Variants in WDR11 observed in about 807,000 individuals in gnomAD.
The protein encoded by WDR11 is WD repeat domain 11.
WDR11 carries 83 observed loss-of-function variants against 151.2 expected under a neutral mutation model. The ratio of observed to expected loss-of-function variants is 0.55; its 90% CI spans 0.46 to 0.66. WDR11 has a LOEUF of 0.66. Ranked by LOEUF, WDR11 falls within the 30% of genes least tolerant of loss-of-function variation. The pLI is 0.00. For synonymous variants in WDR11, 484 were observed against 533.1 expected (o/e 0.91, Z 1.27); for missense variants, 1,301 against 1,480.9 (o/e 0.88, Z 1.99).
In WDR11 at chr10:120,866,604, C is replaced by T. The variant is rs1259466284; in HGVS notation, c.1030C>T (p.Arg344Ter). 10 of 1,613,984 alleles carry T rather than the reference C, an allele frequency of 6.2e-6. No homozygotes were observed. The highest frequency in any genetic ancestry group is 8.5e-6 in the Non-Finnish European group (10 of 1,180,028). The change falls in exon 8 of 29, where the codon CGA becomes TGA. Residue 344 changes from arginine (R) to a stop codon, truncating the protein, a stop_gained. Coordinates refer to ENST00000263461, the MANE Select transcript of WDR11 (RefSeq NM_018117.12). LOFTEE classifies it high-confidence loss of function. ...DPVQELTYDL[R>*]SQCDAIRVTK... ...AGTTCAGGAGCTTACCTATGATTTA[C>T]GAAGCCAGTGTGATGCAATCAGGGT...
chr10:120,860,131 A>G lies in WDR11; in HGVS notation c.375A>G (p.Gln125=). ...PIQDVQWLWN[Q]DASRDLLLAI... is the part of the protein sequence containing the mutation. ...CAGATGTTCAGTGGTTGTGGAATCA[A>G]GATGCTTCCCGCGATTTACTGCTTG... The change falls in exon 4 of 29, where the codon CAA becomes CAG. Residue 125 remains glutamine, a synonymous_variant. Coordinates refer to ENST00000263461, the MANE Select transcript of WDR11 (RefSeq NM_018117.12). 6.2e-7 allele frequency: 1 copy of G among 1,614,188 alleles called. No individual in the cohort carries two copies. The highest frequency in any genetic ancestry group is 8.5e-7 in the Non-Finnish European group (1 of 1,180,028).
chr10:120,906,457 G>T, intron 27 of WDR11: 1 of 1,264,228 alleles, frequency 7.9e-7, no homozygotes, highest in Non-Finnish European at 1.0e-6. Flanking sequence ...AAGGGAGGTA[G>T]ATTACGGAAA....
chr10:120,871,089 T>C, intron 9 of WDR11, 81 bp from the exon 10 acceptor site: 1 of 1,437,902 alleles, frequency 7.0e-7, no homozygotes, highest in Non-Finnish European at 9.6e-7. Flanking sequence ...CTGAAGAGCA[T>C]TTCTACTGAA....
In WDR11 at chr10:120,904,174, A is replaced by G. The variant is rs148334331; in HGVS notation, c.3027+32A>G. ...CAGTTTTTATAACTCTACATGCTTC[A>G]TTAAATTGCTAGTTAATTCGTATTT... On this transcript the variant is annotated intron_variant, in intron 24 of 28. Transcript: ENST00000263461. 91 of 1,482,404 alleles carry G rather than the reference A, an allele frequency of 6.1e-5. 1 individual carries two copies. In the African/African-American group the frequency reaches 9.7e-4, roughly 16 times the overall value. 91.8% of individuals were successfully genotyped at this position (1,482,404 alleles called of 1,614,324 possible).
intron 11 of WDR11, among the ~76,000 whole-genome samples, chr10:120,874,221 TG>T (rs1454491817): frequency 5.1e-3 from 652 of 126,912 alleles, no homozygotes; most frequent in African/African-American, 0.011. Flanking sequence ...TGTTTTGTTT[TG>T]TTTTGTTTTT....
intron 13 of WDR11, among the ~76,000 whole-genome samples, chr10:120,881,872 T>G (rs899316841): frequency 6.6e-6 from 1 of 152,044 alleles, no homozygotes; most frequent in Non-Finnish European, 1.5e-5. Flanking sequence ...GGACCTCCTG[T>G]ATAGTGTTGA....
In WDR11 at chr10:120,890,760, T is replaced by C. The variant is rs1283248189; in HGVS notation, c.2388T>C (p.Phe796=). 1.2e-6 allele frequency: 2 copies of C among 1,614,042 alleles called. No homozygotes were observed. Among genetic ancestry groups the C allele is most frequent in the African/African-American group, 2.7e-5 (2 of 74,912 alleles). The change falls in exon 19 of 29, where the codon TTT becomes TTC. Residue 796 remains phenylalanine (F), a synonymous_variant. Coordinates refer to ENST00000263461, the MANE Select transcript of WDR11 (RefSeq NM_018117.12). ...SSLRSGRNVT[F]RILDVDWCTS... ...TAAGAAGTGGCAGAAATGTGACCTT[T>C]CGTATATTGGATGTGGACTGGTGTA...
Position 120,873,879 on chromosome 10 carries a change from T to TG in WDR11, c.1514dup (p.Leu506SerfsTer12). The TG allele has an allele frequency of 6.2e-7, 1 of 1,613,562 alleles. No homozygotes were observed. On this transcript the variant is annotated frameshift_variant, in exon 11 of 29. Coordinates refer to ENST00000263461, the MANE Select transcript of WDR11 (RefSeq NM_018117.12). LOFTEE classifies it high-confidence loss of function. The stretch of plus-strand genomic sequence containing the variant: ...CTGTCCTGGTGTACCATCTCACCAG[T>TG]GGTCTGCTACACAAAGAGTTAAGCA...
Position 120,901,032 on chromosome 10 carries a change from A to G in WDR11, c.2625-4A>G. Reference sequence around the variant, plus strand: ...TGAACTCATTCAAAATTTTTTCTTTACAGTGACTATCCAGAAAATGAAGAA... The same window carrying G: ...TGAACTCATTCAAAATTTTTTCTTTGCAGTGACTATCCAGAAAATGAAGAA... On this transcript the variant is annotated splice_region_variant and splice_polypyrimidine_tract_variant and intron_variant, in intron 20 of 28. Coordinates refer to ENST00000263461, the MANE Select transcript of WDR11 (RefSeq NM_018117.12). 6.2e-7 allele frequency: 1 copy of G among 1,609,184 alleles called. No homozygotes were observed. Among genetic ancestry groups the G allele is most frequent in the Non-Finnish European group, 8.5e-7 (1 of 1,175,658 alleles).
At chr10:120,879,639 G>A (rs985831489) in intron 12 of WDR11, 4 of 152,170 alleles carry the variant, frequency 2.6e-5, no homozygotes, top group African/African-American at 9.7e-5. Flanking sequence ...TTCCTTAAGT[G>A]GGATATTTGA....
intron 13 of WDR11, among the ~76,000 whole-genome samples, chr10:120,882,704 T>C (rs1375892957): frequency 6.6e-6 from 1 of 152,078 alleles, no homozygotes; most frequent in Non-Finnish European, 1.5e-5. Context: ...GTGATTATCT[T>C]TCCCACTCCT....
intron 4 of WDR11, 115 bp downstream of exon 4, chr10:120,860,397 C>A: frequency 8.0e-7 from 1 of 1,242,546 alleles, no homozygotes; most frequent in Non-Finnish European, 1.1e-6. Flanking sequence ...AATGACTGAG[C>A]GAAGTGGAGA....
chr10:120,906,066 A>G, intron 27 of WDR11, 45 bp downstream of exon 27: 1 of 1,612,522 alleles, frequency 6.2e-7, no homozygotes, highest in South Asian at 1.1e-5. Context: ...GCCCGTGAGC[A>G]GTCACTTCAT....
chr10:120,886,962 A>G (rs1564712186), intron 16 of WDR11, 126 bp downstream of exon 16: 4 of 1,011,040 alleles, frequency 4.0e-6, no homozygotes, highest in Non-Finnish European at 6.0e-6. Context: ...ATTTAAGGAG[A>G]TATTATCGAT....
At chr10:120,906,258 T>C in intron 27 of WDR11, 1 of 1,387,200 alleles carries the variant, frequency 7.2e-7, no homozygotes, top group South Asian at 1.5e-5. Flanking sequence ...AACAGGCACC[T>C]AGTAAAAGGG....
At chr10:120,905,280 C>G (rs1297866062) in intron 25 of WDR11, 39 bp from the exon 26 acceptor site, 14 of 1,593,968 alleles carry the variant, frequency 8.8e-6, no homozygotes, top group Middle Eastern at 1.9e-4. Flanking sequence ...AAAGAAGGAG[C>G]TGCAGTGTCA....
chr10:120,871,058 A>T, intron 9 of WDR11, 112 bp from the exon 10 acceptor site: 1 of 1,099,546 alleles, frequency 9.1e-7, no homozygotes, highest in Non-Finnish European at 1.3e-6. Context: ...GTACTACATT[A>T]ACTACATTAT....
intron 2 of WDR11, among the ~76,000 whole-genome samples, chr10:120,854,870 A>G (rs1845895647): frequency 6.6e-6 from 1 of 152,130 alleles, no homozygotes; most frequent in East Asian, 1.9e-4. Context: ...GAGTCGTAAG[A>G]TTTCTTTGTA....
chr10:120,859,873 A>G (rs985010851), intron 3 of WDR11, among the ~76,000 whole-genome samples: 2 of 152,088 alleles, frequency 1.3e-5, no homozygotes, highest in East Asian at 3.9e-4. Flanking sequence ...AATATTTCAG[A>G]TTACTTCAAA....
Sources: allele counts gnomAD v4.1 joint callset (sites outside exome capture counted in the v4.1 genomes callset), GRCh38; gene constraint gnomAD v4.1.1; transcripts MANE v1.5; gene names NCBI Gene and HGNC (gene_info 2026-07-23, HGNC 2026-07-21).